The following SENP7 variants were observed in gnomAD, a reference collection of about 807,000 sequenced individuals.
SENP7 encodes SUMO specific peptidase 7, also known as sentrin-specific protease 7.
SENP7 carries 64 observed loss-of-function variants against 141.2 expected under a neutral mutation model. That is an observed-to-expected ratio of 0.45 (90% CI 0.37 to 0.56). The LOEUF is 0.56. SENP7 is among the 20% of genes least tolerant of loss of function. SENP7 has a pLI of 0.00. For synonymous variants in SENP7, 382 were observed against 426.4 expected (o/e 0.90, Z 1.28); for missense variants, 1,025 against 1,212.2 (o/e 0.85, Z 2.29).
chr3:101,419,643 G>C (rs1045660916), intron 4 of SENP7, among the ~76,000 whole-genome samples: 1 of 152,236 alleles, frequency 6.6e-6, no homozygotes, highest in East Asian at 1.9e-4. Context: ...AGCAGGAAAG[G>C]GTTTTTAGTC....
chr3:101,375,941 T>A (rs2060315351), intron 6 of SENP7, among the ~76,000 whole-genome samples: 1 of 152,144 alleles, frequency 6.6e-6, no homozygotes, highest in Admixed American at 6.5e-5. Flanking sequence ...AGAAAGTAGA[T>A]TAGAGGCTAC....
intron 5 of SENP7, among the ~76,000 whole-genome samples, chr3:101,413,897 G>C (rs1266630166): frequency 1.3e-5 from 2 of 152,158 alleles, no homozygotes; most frequent in Non-Finnish European, 2.9e-5. Context: ...ATCATTAAGG[G>C]CCTTGTGTGC....
At position 101,372,139 on chromosome 3, in the gene SENP7, A is replaced by G; in HGVS notation, c.678-13T>C. On this transcript the variant is annotated splice_polypyrimidine_tract_variant and intron_variant, in intron 6 of 23. Coordinates refer to ENST00000394095, the MANE Select transcript of SENP7 (RefSeq NM_020654.5). ...TCGTTGTGAGCCCCTGCAAAAGAGAACTGTATTATACTCAATTCTAATAAA... is the reference window on the plus strand; with the variant it reads ...TCGTTGTGAGCCCCTGCAAAAGAGAGCTGTATTATACTCAATTCTAATAAA... The G allele has an allele frequency of 7.4e-7, 1 of 1,354,084 alleles. No homozygotes were observed. Among genetic ancestry groups the G allele is most frequent in the African/African-American group, 1.5e-5 (1 of 68,896 alleles). The allele number at this position is 1,354,084 out of a possible 1,614,324, so 83.9% of individuals were successfully genotyped here.
intron 4 of SENP7, among the ~76,000 whole-genome samples, chr3:101,439,295 G>A: frequency 1.0e-5 from 1 of 96,246 alleles, no homozygotes; most frequent in African/African-American, 3.9e-5. Context: ...CCTCTGCCTG[G>A]CAACCACCCC....
chr3:101,344,810 T>C (rs537138206), intron 13 of SENP7, among the ~76,000 whole-genome samples: 1 of 152,034 alleles, frequency 6.6e-6, no homozygotes, highest in South Asian at 2.1e-4. Context: ...CTGCAAATTC[T>C]GTCAGAGTTT....
intron 4 of SENP7, among the ~76,000 whole-genome samples, chr3:101,440,520 A>G (rs1374634614): frequency 7.4e-6 from 1 of 134,376 alleles, no homozygotes; most frequent in Non-Finnish European, 1.6e-5. Flanking sequence ...CTATTGTCCC[A>G]TGACCCTGCC....
chr3:101,389,247 C>T (rs1358238429), intron 6 of SENP7, among the ~76,000 whole-genome samples: 1 of 152,154 alleles, frequency 6.6e-6, no homozygotes, highest in African/African-American at 2.4e-5. Flanking sequence ...AAGCAATCCT[C>T]CCACCTCAGC....
intron 3 of SENP7, among the ~76,000 whole-genome samples, chr3:101,466,253 T>A (rs2063754108): frequency 6.6e-6 from 1 of 151,914 alleles, no homozygotes; most frequent in African/African-American, 2.4e-5. Flanking sequence ...GACAAAAACA[T>A]GAAGATACAG....
chr3:101,461,901 A>G (rs1032991823), intron 3 of SENP7, among the ~76,000 whole-genome samples: 110 of 152,248 alleles, frequency 7.2e-4, no homozygotes, highest in African/African-American at 2.6e-3. Flanking sequence ...GAAAGAAGCC[A>G]TAGACACAAA....
At chr3:101,469,850 AAAG>A (rs1559874974) in intron 3 of SENP7, among the ~76,000 whole-genome samples, 2 of 140,826 alleles carry the variant, frequency 1.4e-5, no homozygotes, top group East Asian at 4.3e-4. Context: ...AAAAAAAAAA[AAAG>A]AACAGAAATC....
intron 4 of SENP7, among the ~76,000 whole-genome samples, chr3:101,445,089 A>C (rs1222566708): frequency 6.6e-6 from 1 of 152,160 alleles, no homozygotes; most frequent in Non-Finnish European, 1.5e-5. Flanking sequence ...AAATAGCAAG[A>C]GAAGAGCATC....
chr3:101,477,926 T>C (rs1252001930), intron 3 of SENP7, among the ~76,000 whole-genome samples: 4 of 150,078 alleles, frequency 2.7e-5, no homozygotes, highest in South Asian at 2.1e-4. Flanking sequence ...ACTAAAAATA[T>C]AATACAAAGA....
chr3:101,355,961 T>C (rs2059731519), intron 11 of SENP7, among the ~76,000 whole-genome samples: 1 of 152,152 alleles, frequency 6.6e-6, no homozygotes, highest in South Asian at 2.1e-4. Context: ...ATTTTATTCA[T>C]TTTGTGGCAA....
chr3:101,414,171 T>A, intron 5 of SENP7: 1 of 530,358 alleles, frequency 1.9e-6, no homozygotes, highest in South Asian at 2.5e-5. Context: ...GATTTAGGGG[T>A]TAAAAATAAC....
intron 4 of SENP7, among the ~76,000 whole-genome samples, chr3:101,423,086 G>T (rs1311257615): frequency 6.6e-6 from 1 of 151,932 alleles, no homozygotes; most frequent in Non-Finnish European, 1.5e-5. Flanking sequence ...TTTATTTAGA[G>T]TATTTCTTGT....
chr3:101,501,641 T>C (rs1004129713), intron 1 of SENP7, among the ~76,000 whole-genome samples: 3 of 152,180 alleles, frequency 2.0e-5, no homozygotes, highest in Non-Finnish European at 4.4e-5. Flanking sequence ...GCTGTGGATT[T>C]TTCTGAGTTA....
chr3:101,339,999 T>G, intron 16 of SENP7, 96 bp downstream of exon 16: 1 of 1,404,604 alleles, frequency 7.1e-7, no homozygotes, highest in East Asian at 2.8e-5. Context: ...AGGCTACTTT[T>G]AACAGAATTT....
At chr3:101,342,993 T>G (rs538630453) in intron 14 of SENP7, among the ~76,000 whole-genome samples, 1 of 152,128 alleles carries the variant, frequency 6.6e-6, no homozygotes, top group Non-Finnish European at 1.5e-5. Context: ...AGAGTACTGG[T>G]CAATTATTTT....
intron 13 of SENP7, among the ~76,000 whole-genome samples, chr3:101,344,526 G>A (rs1235231719): frequency 6.6e-6 from 1 of 152,118 alleles, no homozygotes; most frequent in Non-Finnish European, 1.5e-5. Context: ...TCTTTACTGT[G>A]CAGGAGAGTA....
Sources: gnomAD v4.1 joint callset for allele counts (sites outside exome capture counted in the v4.1 genomes callset) on GRCh38, gnomAD v4.1.1 for gene constraint, MANE v1.5 for transcripts, NCBI Gene and HGNC (gene_info 2026-07-23, HGNC 2026-07-21) for gene names.